The following TENM2 variants were observed in gnomAD, a reference collection of about 807,000 sequenced individuals.
TENM2 encodes the protein teneurin transmembrane protein 2, also known as teneurin-2.
TENM2 carries 52 observed loss-of-function variants against 245.2 expected under a neutral mutation model. That is an observed-to-expected ratio of 0.21 (90% CI 0.17 to 0.27). The LOEUF is 0.27. Among genes scored for constraint, TENM2 ranks in the 10% least tolerant of loss-of-function variants. TENM2 has a pLI of 1.00. For synonymous variants in TENM2, 1,363 were observed against 1,438.9 expected, an observed-to-expected ratio of 0.95 and a Z score of 1.19; for missense variants, 3,046 against 3,666.8, an observed-to-expected ratio of 0.83 and a Z score of 4.37.
At chr5:168,203,693 T>C (rs1160636322) in exon 18 of TENM2, 5 of 1,606,298 alleles carry the variant, frequency 3.1e-6, no homozygotes, top group Middle Eastern at 1.7e-4. Flanking sequence ...TTTCAGTGTC[T>C]GTCGGGTTTG....
At chr5:167,044,701 A>G in the TENM2 span, among the ~76,000 whole-genome samples, 4 of 152,180 alleles carry the variant, frequency 2.6e-5, no homozygotes, top group African/African-American at 9.6e-5. Flanking sequence ...CGGGGCTCAT[A>G]TTTCCGAGGA....
chr5:167,746,706 A>AGAGAGAGAGAGAGAGAGAGAGC (rs1561732796), intron 2 of TENM2, among the ~76,000 whole-genome samples: 1 of 142,610 alleles, frequency 7.0e-6, no homozygotes, highest in East Asian at 2.1e-4. Context: ...AGAGAGAGAG[A>AGAGAGAGAGAGAGAGAGAGAGC]GAGAGAGAGC....
At chr5:166,981,123 A>G in the TENM2 span, among the ~76,000 whole-genome samples, 2 of 152,212 alleles carry the variant, frequency 1.3e-5, no homozygotes, top group Admixed American at 1.3e-4. Context: ...GCACCATGCA[A>G]ATTCACCTGT....
At chr5:168,259,309 C>T (rs1036675190) in intron 27 of TENM2, among the ~76,000 whole-genome samples, 2 of 151,790 alleles carry the variant, frequency 1.3e-5, no homozygotes, top group Non-Finnish European at 2.9e-5. Flanking sequence ...AAGGCTGGGC[C>T]GGGCACGGTG....
chr5:168,216,911 G>C (rs1405795267), exon 22 of TENM2: 1 of 1,613,948 alleles, frequency 6.2e-7, no homozygotes, highest in Non-Finnish European at 8.5e-7. Flanking sequence ...TTCCAGCATG[G>C]ATGTAGCCCA....
chr5:167,678,563 T>C (rs1756490817), intron 2 of TENM2, among the ~76,000 whole-genome samples: 1 of 152,152 alleles, frequency 6.6e-6, no homozygotes, highest in Non-Finnish European at 1.5e-5. Context: ...TTATTATCCT[T>C]TGATTCCAGC....
At chr5:167,616,391 A>C (rs1347852865) in intron 2 of TENM2, among the ~76,000 whole-genome samples, 1 of 152,144 alleles carries the variant, frequency 6.6e-6, no homozygotes, top group Non-Finnish European at 1.5e-5. Context: ...CCATTTGTAG[A>C]GATGGCAGTC....
At chr5:168,258,221 G>A (rs756354231) in intron 27 of TENM2, among the ~76,000 whole-genome samples, 2 of 152,162 alleles carry the variant, frequency 1.3e-5, no homozygotes, top group East Asian at 3.9e-4. Flanking sequence ...GTGGAAACAG[G>A]CCGGGTGCAG....
Position 168,124,900 on chromosome 5 carries a change from G to T in TENM2, c.2059G>T (p.Glu687Ter). 6.2e-7 allele frequency: 1 copy of T among 1,613,206 alleles called. No individual in the cohort carries two copies. The highest frequency in any genetic ancestry group is 8.5e-7 in the Non-Finnish European group (1 of 1,179,598). Residue 687 changes from glutamate to a stop codon, truncating the protein, a stop_gained, in exon 11 of 29, where the codon GAA becomes TAA. Transcript: ENST00000518659. LOFTEE classifies it high-confidence loss of function. ...CAGCCACGGAGTCTGTGTGAATGGA[G>T]AATGCCTGTGCAGCCCTGGCTGGGG...
chr5:167,130,688 G>A, the TENM2 span, among the ~76,000 whole-genome samples: 28 of 152,218 alleles, frequency 1.8e-4, no homozygotes, highest in African/African-American at 6.7e-4. Context: ...TGCTGTCTAA[G>A]TAGTGACTGG....
chr5:168,079,744 A>C (rs912772770), intron 7 of TENM2, among the ~76,000 whole-genome samples: 3 of 152,166 alleles, frequency 2.0e-5, no homozygotes, highest in Admixed American at 6.5e-5. Context: ...ATTGATTTGC[A>C]TATGTTGAAC....
At chr5:168,216,625 A>C (rs1763222770) in intron 21 of TENM2, 143 bp from the exon 24 acceptor site, 1 of 735,312 alleles carries the variant, frequency 1.4e-6, no homozygotes, top group Non-Finnish European at 2.3e-6. Flanking sequence ...GAAGGCTGAG[A>C]ACCACTGCTC....
intron 13 of TENM2, chr5:168,186,908 AAG>A (rs1227822733): frequency 1.3e-5 from 2 of 152,192 alleles, no homozygotes. Flanking sequence ...TGCTGGCATA[AAG>A]ACGCGATTCT....
At chr5:167,627,035 G>A (rs1299610540) in intron 2 of TENM2, among the ~76,000 whole-genome samples, 1 of 152,286 alleles carries the variant, frequency 6.6e-6, no homozygotes, top group East Asian at 1.9e-4. Context: ...GGCTTGGAAA[G>A]GAAATGTCTT....
intron 2 of TENM2, among the ~76,000 whole-genome samples, chr5:167,546,207 C>T (rs1444002278): frequency 6.6e-6 from 1 of 152,190 alleles, no homozygotes; most frequent in Admixed American, 6.5e-5. Flanking sequence ...GCTGCGTGGA[C>T]CACCTAATGG....
At chr5:167,462,739 T>A (rs1039139403) in intron 2 of TENM2, among the ~76,000 whole-genome samples, 4 of 151,672 alleles carry the variant, frequency 2.6e-5, no homozygotes, top group African/African-American at 9.7e-5. Flanking sequence ...TTGTGGAGCC[T>A]TGGGTTTGGG....
chr5:167,551,416 CATCT>C (rs937945707), intron 2 of TENM2, among the ~76,000 whole-genome samples: 55 of 152,282 alleles, frequency 3.6e-4, no homozygotes, highest in African/African-American at 1.1e-3. Flanking sequence ...TCTGCCCGCT[CATCT>C]ATCTATCTAT....
intron 2 of TENM2, among the ~76,000 whole-genome samples, chr5:167,580,194 C>G (rs1774992190): frequency 6.6e-6 from 1 of 152,220 alleles, no homozygotes; most frequent in South Asian, 2.1e-4. Context: ...AAACATTTCT[C>G]TAATCATTGG....
intron 2 of TENM2, among the ~76,000 whole-genome samples, chr5:167,488,284 ATGTCTTGAAATCAT>A (rs1485990858): frequency 6.6e-6 from 1 of 152,186 alleles, no homozygotes; most frequent in Non-Finnish European, 1.5e-5. Context: ...TTATAGAACA[ATGTCTTGAAATCAT>A]TGTCTACATT....
Sources: allele counts gnomAD v4.1 joint callset (sites outside exome capture counted in the v4.1 genomes callset), GRCh38; gene constraint gnomAD v4.1.1; transcripts MANE v1.5; gene names NCBI Gene and HGNC (gene_info 2026-07-23, HGNC 2026-07-21).